Variants in LRRC4C observed in about 807,000 individuals in gnomAD.
The protein encoded by LRRC4C is leucine rich repeat containing 4C.
Under a neutral mutation model 33.6 loss-of-function variants are expected in LRRC4C, and 5 were observed. The observed-to-expected ratio is 0.15, with a 90% CI of 0.08 to 0.31. LRRC4C has a LOEUF of 0.31. LRRC4C is among the 10% of genes least tolerant of loss of function. The pLI is 1.00. For synonymous variants in LRRC4C, 329 were observed against 302.0 expected (o/e 1.09, Z -0.93); for missense variants, 560 against 796.7 (o/e 0.70, Z 3.58).
chr11:40,847,470 A>T (rs1203775928), intron 2 of LRRC4C, among the ~76,000 whole-genome samples: 1 of 152,196 alleles, frequency 6.6e-6, no homozygotes, highest in Non-Finnish European at 1.5e-5. Context: ...CGTATGTTGA[A>T]CCAGACTTGC....
intron 3 of LRRC4C, among the ~76,000 whole-genome samples, chr11:40,619,155 G>A (rs188379336): frequency 9.9e-5 from 15 of 151,822 alleles, no homozygotes; most frequent in African/African-American, 3.6e-4. Flanking sequence ...GGTTGGGGGA[G>A]ATTTGGAGAT....
At chr11:41,060,866 A>G (rs956520013) in intron 1 of LRRC4C, among the ~76,000 whole-genome samples, 5 of 152,028 alleles carry the variant, frequency 3.3e-5, no homozygotes, top group African/African-American at 1.2e-4. Context: ...CATGCAGCCA[A>G]TCAATACCCG....
chr11:40,379,831 C>T (rs1948795298), intron 3 of LRRC4C, among the ~76,000 whole-genome samples: 1 of 152,128 alleles, frequency 6.6e-6, no homozygotes, highest in African/African-American at 2.4e-5. Context: ...TGTGGGCCCG[C>T]AGTATCAACA....
intron 1 of LRRC4C, among the ~76,000 whole-genome samples, chr11:41,234,459 A>T (rs1947934944): frequency 6.6e-6 from 1 of 151,986 alleles, no homozygotes; most frequent in Non-Finnish European, 1.5e-5. Context: ...TGTACAATAG[A>T]TCTCTTTAAC....
chr11:41,006,925 G>C (rs1854796256), intron 1 of LRRC4C, among the ~76,000 whole-genome samples: 1 of 152,020 alleles, frequency 6.6e-6, no homozygotes, highest in African/African-American at 2.4e-5. Context: ...GAAAAAGATT[G>C]TGATTTTTCA....
intron 2 of LRRC4C, among the ~76,000 whole-genome samples, chr11:40,876,266 T>TTTG (rs1370319567): frequency 6.8e-6 from 1 of 147,834 alleles, no homozygotes; most frequent in Non-Finnish European, 1.5e-5. Flanking sequence ...TAGGGTTTTT[T>TTTG]TTTTTTTTTT....
rs151047694 is a variant in LRRC4C at position 40,142,578 on chromosome 11, A to C, written c.-95-1725T>G. On this transcript the variant is annotated intron_variant, in intron 5 of 6. Coordinates refer to ENST00000528697, the MANE Select transcript of LRRC4C (RefSeq NM_001258419.2). Reference sequence around the variant, plus strand: ...CATAATGATCACTCTGTCCTTTATGAAACACCTTTTGCACTTGGCTCCTAC... The same window carrying C: ...CATAATGATCACTCTGTCCTTTATGCAACACCTTTTGCACTTGGCTCCTAC... Among the ~76,000 whole-genome samples the C allele has an allele frequency of 4.1e-4, 62 of 152,280 alleles. 1 individual carries two copies. Among genetic ancestry groups the C allele is most frequent in the African/African-American group, 1.4e-3 (57 of 41,558 alleles).
At chr11:40,278,095 T>C (rs1384863991) in intron 4 of LRRC4C, among the ~76,000 whole-genome samples, 1 of 152,180 alleles carries the variant, frequency 6.6e-6, no homozygotes, top group Non-Finnish European at 1.5e-5. Context: ...ATTAAGTAAG[T>C]ACAGTGTTCC....
At chr11:40,307,795 G>A (rs755934959) in intron 4 of LRRC4C, among the ~76,000 whole-genome samples, 23 of 152,070 alleles carry the variant, frequency 1.5e-4, no homozygotes, top group Non-Finnish European at 2.8e-4. Flanking sequence ...GACTAAAAAT[G>A]TTAAAGTAAA....
At chr11:40,784,075 T>C (rs1203354855) in intron 2 of LRRC4C, among the ~76,000 whole-genome samples, 2 of 116,958 alleles carry the variant, frequency 1.7e-5, no homozygotes, top group Non-Finnish European at 3.1e-5. Context: ...ATGAAAGATG[T>C]TTATTTATAT....
At chr11:40,688,142 C>T (rs1473743023) in intron 2 of LRRC4C, among the ~76,000 whole-genome samples, 1 of 152,144 alleles carries the variant, frequency 6.6e-6, no homozygotes, top group East Asian at 1.9e-4. Context: ...TTCATTATCC[C>T]GTAATTAGTT....
chr11:40,742,505 AT>A (rs1003869867), intron 2 of LRRC4C, among the ~76,000 whole-genome samples: 2 of 152,138 alleles, frequency 1.3e-5, no homozygotes, highest in South Asian at 2.1e-4. Context: ...GATGTTAAAA[AT>A]GTCATAAAAA....
chr11:41,186,671 T>A (rs752517063), intron 1 of LRRC4C, among the ~76,000 whole-genome samples: 13 of 152,172 alleles, frequency 8.5e-5, no homozygotes, highest in Non-Finnish European at 1.9e-4. Flanking sequence ...TACTTAGTAA[T>A]CTGTATTATC....
At chr11:40,389,746 G>A (rs1209279075) in intron 3 of LRRC4C, among the ~76,000 whole-genome samples, 1 of 152,120 alleles carries the variant, frequency 6.6e-6, no homozygotes, top group East Asian at 1.9e-4. Flanking sequence ...ACACACTGCT[G>A]TATTTTACTA....
At chr11:40,750,081 C>A (rs933504163) in intron 2 of LRRC4C, among the ~76,000 whole-genome samples, 1 of 151,828 alleles carries the variant, frequency 6.6e-6, no homozygotes, top group African/African-American at 2.4e-5. Flanking sequence ...ACTACCTAGG[C>A]AGTAGTGGTG....
In LRRC4C at chr11:40,499,124, G is replaced by A. The variant is rs75207589; in HGVS notation, c.-270+149018C>T. 1.7e-3 allele frequency among the ~76,000 whole-genome samples: 260 copies of A among 152,308 alleles called. 3 individuals are homozygous for A. Among genetic ancestry groups the A allele is most frequent in the African/African-American group, 6.0e-3 (250 of 41,578 alleles). ...ACTATTTTAAGTGGGCTTGGCAGGA[G>A]AGCCTCCCTGCTGGAGAGAGGATGG... On this transcript the variant is annotated intron_variant, in intron 3 of 6. Transcript: ENST00000528697.
chr11:40,532,327 T>A (rs1341942759), intron 3 of LRRC4C, among the ~76,000 whole-genome samples: 1 of 151,992 alleles, frequency 6.6e-6, no homozygotes, highest in Non-Finnish European at 1.5e-5. Flanking sequence ...CAGCGGTGAT[T>A]GTGGTACACT....
At chr11:41,111,916 G>A (rs1364367189) in intron 1 of LRRC4C, among the ~76,000 whole-genome samples, 1 of 151,968 alleles carries the variant, frequency 6.6e-6, no homozygotes, top group Non-Finnish European at 1.5e-5. Context: ...TTCTATCAGA[G>A]ATTAGAGAAA....
rs995034051 is a variant in LRRC4C at position 41,092,081 on chromosome 11, T to G, written c.-495-158358A>C. Among the ~76,000 whole-genome samples, 18 of 152,180 alleles carry G rather than the reference T, an allele frequency of 1.2e-4. 1 individual carries two copies. The highest frequency in any genetic ancestry group is 4.6e-4 in the Admixed American group (7 of 15,270). On this transcript the variant is annotated intron_variant, in intron 1 of 6. Transcript: ENST00000528697. ...CATTTTCATTATTTTAAGTATTTTTTTACAATAAAAACGTATTATTTGGTT... is the reference window on the plus strand; with the variant it reads ...CATTTTCATTATTTTAAGTATTTTTGTACAATAAAAACGTATTATTTGGTT...
Sources: allele counts gnomAD v4.1 joint callset (sites outside exome capture counted in the v4.1 genomes callset), GRCh38; gene constraint gnomAD v4.1.1; transcripts MANE v1.5; gene names NCBI Gene and HGNC (gene_info 2026-07-23, HGNC 2026-07-21).